ADAMTSL1: variants seen among roughly 807,000 people sequenced by gnomAD.
ADAMTSL1 encodes ADAMTS-like protein 1.
ADAMTSL1 carries 126 observed loss-of-function variants against 201.8 expected under a neutral mutation model. The ratio of observed to expected loss-of-function variants is 0.62; its 90% CI spans 0.54 to 0.72. The LOEUF (loss-of-function observed/expected upper bound fraction) is 0.72. ADAMTSL1 is among the 30% of genes least tolerant of loss of function. ADAMTSL1 has a pLI of 0.00. For missense variants in ADAMTSL1, 2,679 were observed against 2,277.8 expected (o/e 1.18, Z -3.59); for synonymous variants, 1,121 against 903.4 (o/e 1.24, Z -4.32).
chr9:18,838,391 ACACACACACAC>A (rs1563844506), intron 23 of ADAMTSL1, among the ~76,000 whole-genome samples: 20 of 149,486 alleles, frequency 1.3e-4, no homozygotes, highest in African/African-American at 2.2e-4. Flanking sequence ...ACACACACAC[ACACACACACAC>A]GCAAAAACCT....
rs921484404 is a variant in ADAMTSL1 at position 18,475,721 on chromosome 9, C to A, written c.63+1426C>A. On this transcript the variant is annotated intron_variant, in intron 1 of 28. Transcript: ENST00000380548. ...TATGGGATGTGTTACTTGTATACACCATTAGTTTGTCTCATCTTTCCTTCT... is the reference window on the plus strand; with the variant it reads ...TATGGGATGTGTTACTTGTATACACAATTAGTTTGTCTCATCTTTCCTTCT... 3.3e-5 allele frequency among the ~76,000 whole-genome samples: 5 copies of A among 151,908 alleles called. No individual in the cohort carries two copies. In the East Asian group the frequency reaches 9.7e-4, roughly 29 times the overall value.
intron 2 of ADAMTSL1, among the ~76,000 whole-genome samples, chr9:18,397,256 C>A (rs992676244): frequency 1.3e-5 from 2 of 152,058 alleles, no homozygotes; most frequent in African/African-American, 4.8e-5. Flanking sequence ...GCCTTGCTTC[C>A]TTTCCCATAT....
intron 2 of ADAMTSL1, among the ~76,000 whole-genome samples, chr9:18,194,082 A>G (rs1451329237): frequency 6.6e-6 from 1 of 152,100 alleles, no homozygotes; most frequent in Non-Finnish European, 1.5e-5. Context: ...AGTTGGAGTG[A>G]TAGTGAAACT....
At chr9:17,917,206 A>G (rs1826127639) in intron 1 of ADAMTSL1, among the ~76,000 whole-genome samples, 1 of 152,152 alleles carries the variant, frequency 6.6e-6, no homozygotes, top group Non-Finnish European at 1.5e-5. Flanking sequence ...TTGTGCAAAT[A>G]AAGAGAGTTC....
At chr9:17,946,285 C>T (rs1046930318) in intron 1 of ADAMTSL1, among the ~76,000 whole-genome samples, 1 of 151,868 alleles carries the variant, frequency 6.6e-6, no homozygotes, top group Non-Finnish European at 1.5e-5. Context: ...AGGCTTGAAC[C>T]ATCATGCCGA....
At chr9:18,358,743 T>C (rs189480971) in intron 2 of ADAMTSL1, among the ~76,000 whole-genome samples, 3 of 152,366 alleles carry the variant, frequency 2.0e-5, no homozygotes, top group Admixed American at 1.3e-4. Flanking sequence ...TTCTATTTTA[T>C]GCATATGCCA....
intron 2 of ADAMTSL1, among the ~76,000 whole-genome samples, chr9:18,508,679 T>C (rs1467153486): frequency 6.6e-6 from 1 of 152,214 alleles, no homozygotes; most frequent in Non-Finnish European, 1.5e-5. Flanking sequence ...CTTTCAGTTA[T>C]AGTCATGTAT....
intron 16 of ADAMTSL1, among the ~76,000 whole-genome samples, chr9:18,766,937 T>A (rs1473004550): frequency 1.3e-5 from 2 of 152,214 alleles, no homozygotes; most frequent in Non-Finnish European, 2.9e-5. Flanking sequence ...GGTATGCTGA[T>A]TTCTTATTTA....
At chr9:18,003,439 C>T (rs1819692778) in intron 1 of ADAMTSL1, among the ~76,000 whole-genome samples, 1 of 152,074 alleles carries the variant, frequency 6.6e-6, no homozygotes, top group Admixed American at 6.6e-5. Flanking sequence ...TCTCTCCCGG[C>T]CAGTTCCAAT....
intron 1 of ADAMTSL1, among the ~76,000 whole-genome samples, chr9:18,117,527 T>A (rs1448663009): frequency 4.6e-5 from 7 of 152,120 alleles, no homozygotes; most frequent in Non-Finnish European, 7.4e-5. Context: ...AGCTGAACTG[T>A]CACTTTGTTA....
intron 23 of ADAMTSL1, among the ~76,000 whole-genome samples, chr9:18,838,705 C>CTGTAGTCCAAGCTGCTTGGGAGGCTGAGG (rs1194051167): frequency 6.6e-6 from 1 of 151,484 alleles, no homozygotes; most frequent in East Asian, 1.9e-4. Flanking sequence ...TGGTGCAGGC[C>CTGTAGTCCAAGCTGCTTGGGAGGCTGAGG]TGTAGTCCAA....
In ADAMTSL1 at chr9:17,915,940, T is replaced by G. The variant is rs988177904; in HGVS notation, c.87+9018T>G. 4.6e-5 allele frequency among the ~76,000 whole-genome samples: 7 copies of G among 152,182 alleles called. No individual in the cohort carries two copies. The South Asian group carries it at 8.3e-4, about 18-fold the overall frequency. ...CATTCTGGCTGTGAATTTTTTTTTTTTGACAGTCTTGCTCTGTTGCCCAGG... is the reference window on the plus strand; with the variant it reads ...CATTCTGGCTGTGAATTTTTTTTTTGTGACAGTCTTGCTCTGTTGCCCAGG... On this transcript the variant is annotated intron_variant, in intron 1 of 29. Transcript: ENST00000680146.
chr9:18,835,187 T>C (rs1825238308), intron 23 of ADAMTSL1, among the ~76,000 whole-genome samples: 1 of 152,154 alleles, frequency 6.6e-6, no homozygotes, highest in South Asian at 2.1e-4. Context: ...GGTTTCTCAT[T>C]GTGGTTTTAA....
intron 1 of ADAMTSL1, among the ~76,000 whole-genome samples, chr9:18,477,376 C>A (rs1821504751): frequency 6.6e-6 from 1 of 152,146 alleles, no homozygotes; most frequent in South Asian, 2.1e-4. Flanking sequence ...TGTTGAATTT[C>A]TTTTTCTTCT....
At chr9:18,891,768 A>G (rs1829289550) in intron 25 of ADAMTSL1, among the ~76,000 whole-genome samples, 1 of 152,216 alleles carries the variant, frequency 6.6e-6, no homozygotes, top group Non-Finnish European at 1.5e-5. Context: ...TGAGGCCCAG[A>G]TTACTTTCCA....
chr9:18,046,528 A>G (rs1344183507), intron 1 of ADAMTSL1, among the ~76,000 whole-genome samples: 2 of 152,174 alleles, frequency 1.3e-5, no homozygotes, highest in Non-Finnish European at 2.9e-5. Context: ...TCTAGCTGCA[A>G]GGGAGTAGTC....
At chr9:18,547,989 A>G (rs567729194) in intron 3 of ADAMTSL1, among the ~76,000 whole-genome samples, 17 of 152,148 alleles carry the variant, frequency 1.1e-4, no homozygotes, top group Non-Finnish European at 1.5e-5. Flanking sequence ...AAATATATAT[A>G]TAATACCAAG....
chr9:18,050,778 A>G (rs1016906439), intron 1 of ADAMTSL1, among the ~76,000 whole-genome samples: 2 of 152,182 alleles, frequency 1.3e-5, no homozygotes, highest in Admixed American at 6.5e-5. Context: ...AGGGGGAAAC[A>G]TAAGAGATGA....
At chr9:18,559,180 T>C (rs954131527) in intron 3 of ADAMTSL1, among the ~76,000 whole-genome samples, 1 of 152,224 alleles carries the variant, frequency 6.6e-6, no homozygotes, top group Non-Finnish European at 1.5e-5. Context: ...AGTTAATTTT[T>C]GTATAAGGTG....
Sources: gnomAD v4.1 joint callset for allele counts (sites outside exome capture counted in the v4.1 genomes callset) on GRCh38, gnomAD v4.1.1 for gene constraint, MANE v1.5 for transcripts, NCBI Gene and HGNC (gene_info 2026-07-23, HGNC 2026-07-21) for gene names.